The following RBMS3 variants were observed in gnomAD, a reference collection of about 807,000 sequenced individuals.
The protein encoded by RBMS3 is RNA-binding motif, single-stranded-interacting protein 3.
A neutral mutation model predicts 66.8 loss-of-function variants in RBMS3; 27 were observed. The observed-to-expected ratio is 0.40, with a 90% CI of 0.30 to 0.56. RBMS3 has a LOEUF of 0.56. Among genes scored for constraint, RBMS3 ranks in the 20% least tolerant of loss-of-function variants. RBMS3 has a pLI of 0.40. For synonymous variants in RBMS3, 188 were observed against 183.0 expected, an observed-to-expected ratio of 1.03 and a Z score of -0.22; for missense variants, 513 against 549.5, an observed-to-expected ratio of 0.93 and a Z score of 0.66.
chr3:29,820,269 A>T (rs2058043994), intron 6 of RBMS3, among the ~76,000 whole-genome samples: 1 of 148,048 alleles, frequency 6.8e-6, no homozygotes. Flanking sequence ...GTAAATTTAA[A>T]TACTATGATC....
At chr3:29,775,118 G>T (rs192274331) in intron 6 of RBMS3, among the ~76,000 whole-genome samples, 2 of 151,864 alleles carry the variant, frequency 1.3e-5, no homozygotes, top group East Asian at 1.9e-4. Flanking sequence ...AGATAAAGGC[G>T]AAGTTTAAAA....
chr3:29,581,132 G>A (rs143061782), intron 3 of RBMS3, among the ~76,000 whole-genome samples: 24 of 152,198 alleles, frequency 1.6e-4, no homozygotes, highest in African/African-American at 5.8e-4. Context: ...ATCTAAGGTA[G>A]ACCATATGGC....
At chr3:29,282,180 G>A (rs1212962802) in intron 1 of RBMS3, among the ~76,000 whole-genome samples, 17 of 152,072 alleles carry the variant, frequency 1.1e-4, no homozygotes, top group Admixed American at 3.9e-4. Flanking sequence ...TGGATAGGAC[G>A]TGCAACGGTG....
intron 10 of RBMS3, among the ~76,000 whole-genome samples, chr3:29,928,862 A>G (rs1228686447): frequency 6.6e-6 from 1 of 151,746 alleles, no homozygotes; most frequent in Non-Finnish European, 1.5e-5. Context: ...CCCATAACAT[A>G]TTTGTGAGTG....
chr3:29,717,345 G>A (rs942598911), intron 4 of RBMS3, among the ~76,000 whole-genome samples: 3 of 151,944 alleles, frequency 2.0e-5, no homozygotes, highest in Admixed American at 6.6e-5. Context: ...CTTGCCACAC[G>A]TTCTGTTTAC....
chr3:29,308,330 G>A (rs1273529893), intron 1 of RBMS3, among the ~76,000 whole-genome samples: 1 of 151,776 alleles, frequency 6.6e-6, no homozygotes, highest in African/African-American at 2.4e-5. Flanking sequence ...CCATATATCA[G>A]GCACTCTGTT....
chr3:29,341,422 G>A (rs909227972), intron 1 of RBMS3, among the ~76,000 whole-genome samples: 6 of 151,968 alleles, frequency 3.9e-5, no homozygotes, highest in African/African-American at 1.4e-4. Flanking sequence ...TCTAAAATCC[G>A]TGGTCTTTCC....
chr3:29,773,464 A>T (rs1371736613), intron 6 of RBMS3, among the ~76,000 whole-genome samples: 3 of 152,100 alleles, frequency 2.0e-5, no homozygotes, highest in Non-Finnish European at 2.9e-5. Flanking sequence ...ATATGAAAAC[A>T]TAACCATTTT....
At chr3:29,498,029 C>G (rs2043827283) in intron 3 of RBMS3, among the ~76,000 whole-genome samples, 2 of 91,406 alleles carry the variant, frequency 2.2e-5, no homozygotes, top group South Asian at 7.8e-4. Context: ...GAGTCTTGCT[C>G]TGTTGCCCAG....
intron 4 of RBMS3, among the ~76,000 whole-genome samples, chr3:29,644,445 CATAAGT>C (rs1188165988): frequency 6.6e-6 from 1 of 152,100 alleles, no homozygotes; most frequent in East Asian, 1.9e-4. Flanking sequence ...GTTGCTGAAT[CATAAGT>C]ATATTTGAGC....
intron 1 of RBMS3, among the ~76,000 whole-genome samples, chr3:29,349,090 T>G (rs960379350): frequency 1.3e-5 from 2 of 152,020 alleles, no homozygotes; most frequent in Non-Finnish European, 2.9e-5. Context: ...CTCTCTTTCT[T>G]GAGATCTTTC....
intron 1 of RBMS3, among the ~76,000 whole-genome samples, chr3:29,360,566 C>G (rs2037517339): frequency 6.6e-6 from 1 of 151,972 alleles, no homozygotes; most frequent in Admixed American, 6.6e-5. Context: ...ATTAGGTCTG[C>G]TTGGTGCAGA....
chr3:29,415,148 T>C (rs2040428899), intron 1 of RBMS3, among the ~76,000 whole-genome samples: 1 of 152,172 alleles, frequency 6.6e-6, no homozygotes, highest in Admixed American at 6.5e-5. Flanking sequence ...TTTCTGCCCA[T>C]TGAGATGATA....
intron 12 of RBMS3, among the ~76,000 whole-genome samples, chr3:29,952,907 A>T (rs1695776721): frequency 6.6e-6 from 1 of 151,932 alleles, no homozygotes; most frequent in South Asian, 2.1e-4. Flanking sequence ...CAGTTACATT[A>T]GCAAATAAAA....
intron 1 of RBMS3, among the ~76,000 whole-genome samples, chr3:29,348,427 A>G (rs993769132): frequency 1.3e-5 from 2 of 152,202 alleles, no homozygotes; most frequent in Admixed American, 6.5e-5. Flanking sequence ...TTCATCGAGC[A>G]TATAGTCAGA....
intron 10 of RBMS3, among the ~76,000 whole-genome samples, chr3:29,920,818 AC>A (rs2060753528): frequency 6.6e-6 from 1 of 150,738 alleles, no homozygotes; most frequent in South Asian, 2.1e-4. Flanking sequence ...TACTAAAAAT[AC>A]AAAAAATTAG....
intron 1 of RBMS3, among the ~76,000 whole-genome samples, chr3:29,323,927 G>C (rs894578477): frequency 6.6e-6 from 1 of 150,712 alleles, no homozygotes; most frequent in African/African-American, 2.4e-5. Flanking sequence ...ATAACACACC[G>C]ATTCAGATAT....
intron 3 of RBMS3, among the ~76,000 whole-genome samples, chr3:29,511,074 G>T (rs746405697): frequency 1.3e-5 from 2 of 152,152 alleles, no homozygotes; most frequent in Non-Finnish European, 2.9e-5. Context: ...CAAGGTGGGT[G>T]GATCACTAGG....
At chr3:29,910,605 T>C (rs537916942) in intron 10 of RBMS3, among the ~76,000 whole-genome samples, 5 of 152,186 alleles carry the variant, frequency 3.3e-5, no homozygotes, top group African/African-American at 9.6e-5. Flanking sequence ...CTAGAGAACC[T>C]AGTTATTTCT....
Sources: gnomAD v4.1 joint callset for allele counts (sites outside exome capture counted in the v4.1 genomes callset) on GRCh38, gnomAD v4.1.1 for gene constraint, MANE v1.5 for transcripts, NCBI Gene and HGNC (gene_info 2026-07-23, HGNC 2026-07-21) for gene names.